CARD14: variants seen among roughly 807,000 people sequenced by gnomAD.
CARD14 encodes the protein caspase recruitment domain-containing protein 14.
Under a neutral mutation model 111.5 loss-of-function variants are expected in CARD14, and 107 were observed. That is an observed-to-expected ratio of 0.96 (90% CI 0.82 to 1.13). The LOEUF is 1.13. CARD14 is among the 50% of genes most tolerant of loss of function. The pLI is 0.00. For missense variants in CARD14, 1,322 were observed against 1,362.3 expected, an observed-to-expected ratio of 0.97 and a Z score of 0.47; for synonymous variants, 617 against 579.6, an observed-to-expected ratio of 1.06 and a Z score of -0.93.
rs755481550 is a variant in CARD14 at position 80,205,103 on chromosome 17, C to T, written c.2467C>T (p.Arg823Ter). Residue 823 changes from arginine (R) to a stop codon, truncating the protein, a stop_gained, in exon 21 of 24, where the codon CGA (arginine) becomes TGA (stop). Coordinates refer to ENST00000648509, the MANE Select transcript of CARD14 (RefSeq NM_001366385.1). LOFTEE classifies it high-confidence loss of function. ...GCCCTATACCCTGGTGCGGCCCCAT[C>T]GACCCGCCCGGCCCCGGCCTGTGCT... ...LVPYTLVRPH[R>*]PARPRPVLLV... 10 of 1,613,434 alleles carry T rather than the reference C, an allele frequency of 6.2e-6. No homozygotes were observed. Among genetic ancestry groups the T allele is most frequent in the Admixed American group, 3.3e-5 (2 of 59,970 alleles).
At position 80,192,553 on chromosome 17, in the gene CARD14, G is replaced by T; in HGVS notation, c.1290G>T (p.Arg430=). 1 of 1,613,622 alleles carries T rather than the reference G, an allele frequency of 6.2e-7. No individual in the cohort carries two copies. The highest frequency in any genetic ancestry group is 8.5e-7 in the Non-Finnish European group (1 of 1,179,966). ...AGCCCTGTCCACGGGAGAAGCAGCG[G>T]CTGGTGCGGATGCATGCCATCTGCC... ...TREPCPREKQ[R]LVRMHAICPR... The change falls in exon 12 of 24, where the codon CGG becomes CGT. Residue 430 remains arginine (R), a synonymous_variant. Transcript: ENST00000648509.
chr17:80,189,788 G>GGC lies in CARD14; in HGVS notation c.883_884dup (p.Ser297GlyfsTer52). Reference sequence around the variant, plus strand: ...ACATTCTGGAGCAGAGCCTGGACGAGGCGCGGGGGAGCCGACAGGAGCTGG... The same window carrying GGC: ...ACATTCTGGAGCAGAGCCTGGACGAGGCGCGCGGGGGAGCCGACAGGAGCTGG... On this transcript the variant is annotated frameshift_variant, in exon 9 of 24. Coordinates refer to ENST00000648509, the MANE Select transcript of CARD14 (RefSeq NM_001366385.1). LOFTEE classifies it high-confidence loss of function. This position sits in a 1 kb window ranked among gnomAD's most constrained non-coding sequence, Gnocchi z 4.7. The GGC allele has an allele frequency of 1.3e-6, 2 of 1,586,798 alleles. No homozygotes were observed. The highest frequency in any genetic ancestry group is 1.7e-6 in the Non-Finnish European group (2 of 1,170,392).
At chr17:80,179,546 T>C (rs1293137116) in intron 4 of CARD14, among the ~76,000 whole-genome samples, 1 of 152,206 alleles carries the variant, frequency 6.6e-6, no homozygotes, top group Admixed American at 6.5e-5. Context: ...TAGGAAATGA[T>C]TTTTAAAATA....
At chr17:80,177,248 A>T (rs1485740344) in intron 2 of CARD14, among the ~76,000 whole-genome samples, 2 of 151,298 alleles carry the variant, frequency 1.3e-5, no homozygotes, top group East Asian at 3.9e-4. Flanking sequence ...TTTTTTTTTA[A>T]GACAGGGTCT....
intron 7 of CARD14, among the ~76,000 whole-genome samples, chr17:80,185,512 C>T (rs977366875): frequency 3.9e-5 from 6 of 152,118 alleles, no homozygotes; most frequent in Non-Finnish European, 5.9e-5. Flanking sequence ...TCTCTCGTGG[C>T]CCTTTATGTC....
chr17:80,184,314 C>G, intron 7 of CARD14, 76 bp downstream of exon 7: 1 of 1,207,982 alleles, frequency 8.3e-7, no homozygotes, highest in Non-Finnish European at 1.1e-6. Flanking sequence ...TGGTCCATCT[C>G]CCTGGAACTC....
chr17:80,197,563 G>GAA lies in CARD14; in HGVS notation c.1595-534_1595-533dup, dbSNP rs375523200. The GAA allele has an allele frequency of 6.9e-3, 1,059 of 153,842 alleles. 11 individuals are homozygous for GAA. The highest frequency in any genetic ancestry group is 0.024 in the African/African-American group (980 of 41,354). The allele number at this position is 153,842 out of a possible 1,614,324, so 9.5% of individuals were successfully genotyped here. On this transcript the variant is annotated intron_variant, in intron 14 of 23. Coordinates refer to ENST00000648509, the MANE Select transcript of CARD14 (RefSeq NM_001366385.1). Reference sequence around the variant, plus strand: ...AAAAAAAAAGAAAGAAAGAAAGAAAGAAAGACAGGCCAGTGCAGTGCAGGC... The same window carrying GAA: ...AAAAAAAAAGAAAGAAAGAAAGAAAGAAAAAGACAGGCCAGTGCAGTGCAGGC...
chr17:80,172,463 C>T (rs2039922471), intron 1 of CARD14, among the ~76,000 whole-genome samples: 3 of 152,244 alleles, frequency 2.0e-5, no homozygotes, highest in African/African-American at 7.2e-5. Context: ...CGCTTTCCTT[C>T]TTCTAGAACT....
At position 80,189,708 on chromosome 17, in the gene CARD14, C is replaced by T; in HGVS notation, c.844-45C>T. On this transcript the variant is annotated intron_variant, in intron 8 of 23. Coordinates refer to ENST00000648509, the MANE Select transcript of CARD14 (RefSeq NM_001366385.1). The surrounding 1 kb of genome is among the most constrained non-coding windows in gnomAD (Gnocchi z 4.7). ...CGGGATTCTGCTTGCCTAGGGCAGG[C>T]CTCTGGGGAAGCCAGCACCCCAGGC... is the stretch of plus-strand genomic sequence containing the variant. 2.0e-6 allele frequency: 3 copies of T among 1,502,016 alleles called. No individual in the cohort carries two copies. Among genetic ancestry groups the T allele is most frequent in the Non-Finnish European group, 2.6e-6 (3 of 1,132,666 alleles). 93.0% of individuals were successfully genotyped at this position (1,502,016 alleles called of 1,614,324 possible).
chr17:80,195,072 C>T lies in CARD14; in HGVS notation c.1357-119C>T, dbSNP rs2040660884. 3 of 1,335,568 alleles carry T rather than the reference C, an allele frequency of 2.2e-6. No individual in the cohort carries two copies. The South Asian group carries it at 4.3e-5, about 19-fold the overall frequency. The allele number at this position is 1,335,568 out of a possible 1,614,324, so 82.7% of individuals were successfully genotyped here. A position where few individuals can be genotyped will look rare whatever the true frequency, so the allele number is the denominator to read the frequency against. On this transcript the variant is annotated intron_variant, in intron 12 of 23. Transcript: ENST00000648509. The surrounding 1 kb of genome is among the most constrained non-coding windows in gnomAD (Gnocchi z 4.7). ...GACCCCATGTGTGTCCTTCTTTCCCCTCCTGCCTCCTCTCCAGTCAGTTCT... is the reference window on the plus strand; with the variant it reads ...GACCCCATGTGTGTCCTTCTTTCCCTTCCTGCCTCCTCTCCAGTCAGTTCT...
intron 1 of CARD14, among the ~76,000 whole-genome samples, chr17:80,170,997 C>T (rs56381437): frequency 0.25 from 38,083 of 150,620 alleles, 5,082 homozygotes; most frequent in Middle Eastern, 0.33. Context: ...CACGCCACCA[C>T]ACCTGGTTAA....
chr17:80,191,052 T>A (rs2040510435), intron 10 of CARD14, among the ~76,000 whole-genome samples, 153 bp downstream of exon 10: 1 of 152,204 alleles, frequency 6.6e-6, no homozygotes, highest in Non-Finnish European at 1.5e-5. Context: ...GTTTCTTCAC[T>A]CCTCCAGGCC....
intron 7 of CARD14, chr17:80,187,848 G>T (rs1458659298): frequency 6.1e-6 from 6 of 985,340 alleles, no homozygotes; most frequent in African/African-American, 3.5e-5. Context: ...TCCCTGGAAG[G>T]CCAGGGCCCT....
chr17:80,189,992 G>A lies in CARD14; in HGVS notation c.963+120G>A, dbSNP rs1442410617. On this transcript the variant is annotated intron_variant, in intron 9 of 23. Transcript: ENST00000648509. The surrounding 1 kb of genome is among the most constrained non-coding windows in gnomAD (Gnocchi z 4.7). The stretch of plus-strand genomic sequence containing the variant: ...CCGAGCTCACATAATTTTGCTGAAC[G>A]AATCTGTCGGCCTGTTCATCTGTCC... 44 of 1,353,744 alleles carry A rather than the reference G, an allele frequency of 3.3e-5. No individual in the cohort carries two copies. The highest frequency in any genetic ancestry group is 7.7e-5 in the African/African-American group (5 of 64,944). The allele number at this position is 1,353,744 out of a possible 1,614,324, so 83.9% of individuals were successfully genotyped here. A position where few individuals can be genotyped will look rare whatever the true frequency, so the allele number is the denominator to read the frequency against.
At position 80,188,167 on chromosome 17, in the gene CARD14, C is replaced by T. The variant is rs1345175747; in HGVS notation, c.676-210C>T. 3 of 529,550 alleles carry T rather than the reference C, an allele frequency of 5.7e-6. No homozygotes were observed. The highest frequency in any genetic ancestry group is 2.0e-5 in the African/African-American group (1 of 50,336). 32.8% of individuals were successfully genotyped at this position (529,550 alleles called of 1,614,324 possible). A position where few individuals can be genotyped will look rare whatever the true frequency, so the allele number is the denominator to read the frequency against. ...CAACCGCGGTGCCTCATCTATAAGA[C>T]AGAGCTGAAAGGCCTCTGTCCTCCC... On this transcript the variant is annotated intron_variant, in intron 7 of 23. Coordinates refer to ENST00000648509, the MANE Select transcript of CARD14 (RefSeq NM_001366385.1). The surrounding 1 kb of genome is among the most constrained non-coding windows in gnomAD (Gnocchi z 4.5).
At position 80,192,624 on chromosome 17, in the gene CARD14, G is replaced by C. The variant is rs376524884; in HGVS notation, c.1356+5G>C. On this transcript the variant is annotated splice_donor_5th_base_variant and intron_variant, in intron 12 of 23. Coordinates refer to ENST00000648509, the MANE Select transcript of CARD14 (RefSeq NM_001366385.1). ...AGCCTCGTCAGCTCCACAGAGGTACGGCCGCTCCTCCCGCCTCCCTCACTG... is the reference window on the plus strand; with the variant it reads ...AGCCTCGTCAGCTCCACAGAGGTACCGCCGCTCCTCCCGCCTCCCTCACTG... 1.2e-6 allele frequency: 2 copies of C among 1,605,668 alleles called. No individual in the cohort carries two copies. The highest frequency in any genetic ancestry group is 4.5e-5 in the East Asian group (2 of 44,790).
At chr17:80,174,673 G>T (rs988627377) in intron 2 of CARD14, among the ~76,000 whole-genome samples, 5 of 152,116 alleles carry the variant, frequency 3.3e-5, no homozygotes, top group East Asian at 3.9e-4. Flanking sequence ...TCCTGGATGT[G>T]TGATTAAAGA....
intron 9 of CARD14, among the ~76,000 whole-genome samples, chr17:80,190,083 G>A (rs962782656): frequency 2.6e-5 from 4 of 152,260 alleles, no homozygotes; most frequent in Non-Finnish European, 2.9e-5. Flanking sequence ...AGGCAGATGC[G>A]TGATTCAAAC....
intron 23 of CARD14, among the ~76,000 whole-genome samples, chr17:80,207,916 T>C (rs184311022): frequency 1.1e-3 from 163 of 151,876 alleles, no homozygotes; most frequent in Middle Eastern, 0.01. Flanking sequence ...CAGACCAAGA[T>C]GTCCTGCTAC....
Sources: gnomAD v4.1 joint callset for allele counts (sites outside exome capture counted in the v4.1 genomes callset) on GRCh38, gnomAD v4.1.1 for gene constraint, Gnocchi (gnomAD v3.1) non-coding constraint, MANE v1.5 for transcripts, NCBI Gene and HGNC (gene_info 2026-07-23, HGNC 2026-07-21) for gene names.